NXN: variants seen among roughly 807,000 people sequenced by gnomAD.
NXN encodes the protein nucleoredoxin, also known as nucleoredoxin 1.
In NXN, 16 loss-of-function variants were observed where a neutral mutation model predicts 48.6. The ratio of observed to expected loss-of-function variants is 0.33; its 90% CI spans 0.22 to 0.50. The LOEUF is 0.50. NXN is among the 20% of genes least tolerant of loss of function. NXN has a pLI of 0.98. For missense variants in NXN, 492 were observed against 605.5 expected, an observed-to-expected ratio of 0.81 and a Z score of 1.97; for synonymous variants, 281 against 269.6, an observed-to-expected ratio of 1.04 and a Z score of -0.41.
chr17:841,393 CGGCGAGCA>C (rs1914187017), intron 1 of NXN, among the ~76,000 whole-genome samples: 7 of 84,232 alleles, frequency 8.3e-5, no homozygotes, highest in Non-Finnish European at 1.7e-4. Flanking sequence ...CATCTCACGC[CGGCGAGCA>C]GGTCCCCCCT....
intron 1 of NXN, among the ~76,000 whole-genome samples, chr17:904,988 CGT>C (rs1342004222): frequency 1.3e-5 from 2 of 152,128 alleles, no homozygotes; most frequent in African/African-American, 4.8e-5. Context: ...CACACACAAG[CGT>C]GTGTGCCACA....
intron 1 of NXN, among the ~76,000 whole-genome samples, chr17:910,178 G>A (rs888872784): frequency 2.6e-5 from 4 of 152,128 alleles, no homozygotes; most frequent in Non-Finnish European, 4.4e-5. Flanking sequence ...TGGGGAGGCC[G>A]AGGCAGGCGG....
chr17:833,595 G>A (rs1913617427), intron 1 of NXN, among the ~76,000 whole-genome samples: 1 of 152,130 alleles, frequency 6.6e-6, no homozygotes, highest in African/African-American at 2.4e-5. Flanking sequence ...GAGGACAAAA[G>A]CTATGGATCT....
intron 1 of NXN, among the ~76,000 whole-genome samples, chr17:836,090 C>T (rs1913807880): frequency 7.6e-6 from 1 of 131,708 alleles, no homozygotes; most frequent in South Asian, 2.6e-4. Context: ...GGAAAAAACA[C>T]CGGTGGGATT....
Position 956,969 on chromosome 17 carries a change from C to CT in NXN, c.360+22349dup, listed in dbSNP as rs2069177987. Among the ~76,000 whole-genome samples, 1 of 152,276 alleles carries CT rather than the reference C, an allele frequency of 6.6e-6. No homozygotes were observed. Among genetic ancestry groups the CT allele is most frequent in the Admixed American group, 6.5e-5 (1 of 15,282 alleles). Reference sequence around the variant, plus strand: ...CCATGGTCATCACCCAGAAAAAACTCTAAATTTATAGGTATATATATTTCA... The same window carrying CT: ...CCATGGTCATCACCCAGAAAAAACTCTTAAATTTATAGGTATATATATTTCA... On this transcript the variant is annotated intron_variant, in intron 1 of 7. Transcript: ENST00000336868. This position sits in a 1 kb window ranked among gnomAD's most constrained non-coding sequence, Gnocchi z 4.1.
chr17:834,957 T>G (rs1250418685), intron 1 of NXN, among the ~76,000 whole-genome samples: 1 of 151,332 alleles, frequency 6.6e-6, no homozygotes, highest in East Asian at 2.0e-4. Flanking sequence ...ATTCTCATGA[T>G]CCCTTGCTGA....
intron 1 of NXN, among the ~76,000 whole-genome samples, chr17:969,332 C>A (rs1265700760): frequency 6.6e-6 from 1 of 152,176 alleles, no homozygotes; most frequent in Non-Finnish European, 1.5e-5. Flanking sequence ...CGGGAAACAG[C>A]CAAGTTTCCA....
intron 1 of NXN, among the ~76,000 whole-genome samples, chr17:892,579 T>TTG (rs897615051): frequency 1.4e-5 from 2 of 145,734 alleles, no homozygotes; most frequent in African/African-American, 5.1e-5. Flanking sequence ...AGTCAGTGTC[T>TTG]GCATAGCAGG....
chr17:811,469 C>T (rs1279769820), intron 5 of NXN, among the ~76,000 whole-genome samples: 1 of 151,384 alleles, frequency 6.6e-6, no homozygotes, highest in Non-Finnish European at 1.5e-5. Flanking sequence ...CAGCACTGCA[C>T]ACGGCTGCAC....
intron 5 of NXN, among the ~76,000 whole-genome samples, chr17:807,250 C>A (rs376501278): frequency 2.0e-5 from 3 of 152,194 alleles, no homozygotes; most frequent in Non-Finnish European, 4.4e-5. Context: ...AAAATCCCCC[C>A]GGCAAGGTCC....
intron 5 of NXN, among the ~76,000 whole-genome samples, chr17:816,706 CTG>C (rs762985249): frequency 4.6e-5 from 7 of 152,286 alleles, no homozygotes; most frequent in East Asian, 1.9e-4. Flanking sequence ...TTATTCAAGT[CTG>C]TGACTCCAAT....
At chr17:960,311 T>C (rs2457274) in intron 1 of NXN, among the ~76,000 whole-genome samples, 1 of 152,142 alleles carries the variant, frequency 6.6e-6, no homozygotes, top group Non-Finnish European at 1.5e-5. Context: ...GAAGTATAGG[T>C]CTACAGCTCT....
intron 1 of NXN, among the ~76,000 whole-genome samples, chr17:879,659 G>T (rs7222487): frequency 0.78 from 118,272 of 151,934 alleles, 47,408 homozygotes; most frequent in Middle Eastern, 0.87. Context: ...CATTGACTGA[G>T]AAGCAGGAGG....
chr17:864,556 G>C (rs1177627077), intron 1 of NXN, among the ~76,000 whole-genome samples: 1 of 152,154 alleles, frequency 6.6e-6, no homozygotes, highest in South Asian at 2.1e-4. Flanking sequence ...GATAAACATC[G>C]GTGAGACCAA....
At chr17:969,851 G>A (rs984493282) in intron 1 of NXN, among the ~76,000 whole-genome samples, 4 of 152,082 alleles carry the variant, frequency 2.6e-5, no homozygotes, top group African/African-American at 7.2e-5. Flanking sequence ...CTATCCCTAG[G>A]ACAGCAGAAC....
chr17:805,523 T>C (rs1466458406), intron 5 of NXN, among the ~76,000 whole-genome samples: 5 of 151,986 alleles, frequency 3.3e-5, no homozygotes, highest in Non-Finnish European at 5.9e-5. Context: ...GCCTGATGAG[T>C]GTGTTGTCGT....
chr17:905,122 T>C (rs1349328966), intron 1 of NXN: 1 of 152,120 alleles, frequency 6.6e-6, no homozygotes, highest in East Asian at 1.9e-4. Context: ...ATATTAAAAT[T>C]CTAAAATAGG....
chr17:878,268 C>T (rs2068239579), intron 1 of NXN: 2 of 151,640 alleles, frequency 1.3e-5, no homozygotes, highest in Non-Finnish European at 2.9e-5. Flanking sequence ...CTCAAAGGTT[C>T]CAAGGTACGG....
intron 1 of NXN, among the ~76,000 whole-genome samples, chr17:843,006 G>GAGAA (rs781376999): frequency 0.077 from 7,333 of 94,894 alleles, 336 homozygotes; most frequent in East Asian, 0.12. Flanking sequence ...GAGAGAAAGA[G>GAGAA]AGAAAGAAAG....
Sources: allele counts gnomAD v4.1 joint callset (sites outside exome capture counted in the v4.1 genomes callset), GRCh38; gene constraint gnomAD v4.1.1; non-coding constraint Gnocchi (gnomAD v3.1); transcripts MANE v1.5; gene names NCBI Gene and HGNC (gene_info 2026-07-23, HGNC 2026-07-21).